The following LRP6 variants were observed in gnomAD, a reference collection of about 807,000 sequenced individuals.
LRP6 encodes the protein low-density lipoprotein receptor-related protein 6.
LRP6 carries 43 observed loss-of-function variants against 184.1 expected under a neutral mutation model. The observed-to-expected ratio is 0.23, with a 90% CI of 0.18 to 0.30. LRP6 has a LOEUF of 0.30. Among genes scored for constraint, LRP6 ranks in the 10% least tolerant of loss-of-function variants. LRP6 has a pLI of 1.00. For synonymous variants in LRP6, 719 were observed against 684.9 expected (o/e 1.05, Z -0.78); for missense variants, 1,571 against 2,005.3 (o/e 0.78, Z 4.14).
chr12:12,164,635 A>G, intron 8 of LRP6, 73 bp from the exon 9 acceptor site: 2 of 1,461,564 alleles, frequency 1.4e-6, no homozygotes. Context: ...TCACTTTTAA[A>G]TTACTTAAGC....
intron 1 of LRP6, among the ~76,000 whole-genome samples, chr12:12,247,996 A>C (rs923160019): frequency 6.6e-6 from 1 of 152,148 alleles, no homozygotes; most frequent in African/African-American, 2.4e-5. Context: ...CTTTATCCTC[A>C]GATCATCTCA....
At chr12:12,250,226 ACTT>A (rs1394364338) in intron 1 of LRP6, among the ~76,000 whole-genome samples, 1 of 152,156 alleles carries the variant, frequency 6.6e-6, no homozygotes, top group Non-Finnish European at 1.5e-5. Context: ...TTCCACCATG[ACTT>A]CTACCTAGGA....
chr12:12,123,159 G>A (rs1052938835), intron 22 of LRP6, among the ~76,000 whole-genome samples: 2 of 152,142 alleles, frequency 1.3e-5, no homozygotes, highest in African/African-American at 4.8e-5. Flanking sequence ...GGGCTTATAC[G>A]GAAAATAGTT....
chr12:12,187,179 G>C (rs966216501), intron 3 of LRP6, 60 bp from the exon 4 acceptor site: 8 of 1,360,752 alleles, frequency 5.9e-6, no homozygotes, highest in Non-Finnish European at 8.3e-6. Flanking sequence ...CTATCATAAC[G>C]TCACCTCTCC....
At chr12:12,190,629 T>C (rs1253667813) in intron 3 of LRP6, among the ~76,000 whole-genome samples, 1 of 152,188 alleles carries the variant, frequency 6.6e-6, no homozygotes, top group Non-Finnish European at 1.5e-5. Context: ...ATAAAACACC[T>C]GCATGCCCTC....
chr12:12,167,468 C>T (rs1210862510), intron 7 of LRP6, among the ~76,000 whole-genome samples: 2 of 152,130 alleles, frequency 1.3e-5, no homozygotes, highest in Non-Finnish European at 2.9e-5. Context: ...ATGGTGAAAC[C>T]CCGTCTCTAC....
chr12:12,159,972 C>A lies in LRP6; in HGVS notation c.2280-8G>T. ...TCAGTCCAATACATAAATCTAAATT[C>A]AAAATAATAAATATTTAACATTTCA... On this transcript the variant is annotated splice_polypyrimidine_tract_variant and splice_region_variant and intron_variant, in intron 10 of 22. Transcript: ENST00000261349. The A allele has an allele frequency of 6.3e-7, 1 of 1,585,534 alleles. No individual in the cohort carries two copies. The highest frequency in any genetic ancestry group is 2.2e-5 in the East Asian group (1 of 44,472).
At chr12:12,199,994 A>C (rs912650940) in intron 3 of LRP6, among the ~76,000 whole-genome samples, 14 of 124,120 alleles carry the variant, frequency 1.1e-4, no homozygotes, top group Non-Finnish European at 1.8e-4. Flanking sequence ...AAAAAAAAAA[A>C]ACACAAGGCT....
Position 12,138,528 on chromosome 12 carries a change from T to C in LRP6, c.3404A>G (p.Asn1135Ser). 1 of 1,613,706 alleles carries C rather than the reference T, an allele frequency of 6.2e-7. No homozygotes were observed. The highest frequency in any genetic ancestry group is 8.5e-7 in the Non-Finnish European group (1 of 1,179,678). Reference sequence around the variant, plus strand: ...ATTGGAGTCTTCTAATACTATCCGGTTAGCACCTTGGAAAAGGAGAAAATT... The same window carrying C: ...ATTGGAGTCTTCTAATACTATCCGGCTAGCACCTTGGAAAAGGAGAAAATT... ...RIESSDLSGA[N>S]RIVLEDSNIL... is the part of the protein sequence containing the mutation. Residue 1135 changes from asparagine (N) to serine (S), a missense_variant, in exon 16 of 23, where the codon AAC becomes AGC. Around this residue, in one of 4 missense-constraint regions of LRP6, gnomAD observed 763 missense variants for 859.5 expected, o/e 0.89. Coordinates refer to ENST00000261349, the MANE Select transcript of LRP6 (RefSeq NM_002336.3).
chr12:12,240,831 C>T (rs1865045761), intron 2 of LRP6, among the ~76,000 whole-genome samples: 1 of 152,112 alleles, frequency 6.6e-6, no homozygotes, highest in Non-Finnish European at 1.5e-5. Context: ...GGGGCTCCAG[C>T]ATTAGGAGCA....
At chr12:12,166,271 T>C (rs1368131869) in intron 7 of LRP6, among the ~76,000 whole-genome samples, 1 of 152,154 alleles carries the variant, frequency 6.6e-6, no homozygotes, top group Non-Finnish European at 1.5e-5. Flanking sequence ...GCTGCATCTT[T>C]CAGAACAGAA....
chr12:12,256,991 A>C (rs976867845), intron 1 of LRP6, among the ~76,000 whole-genome samples: 1 of 152,002 alleles, frequency 6.6e-6, no homozygotes, highest in African/African-American at 2.4e-5. Flanking sequence ...TGAAAATGCT[A>C]AGTGATAGAA....
chr12:12,185,893 G>A (rs1472825325), intron 4 of LRP6, among the ~76,000 whole-genome samples: 2 of 148,454 alleles, frequency 1.3e-5, no homozygotes, highest in Non-Finnish European at 3.0e-5. Context: ...TGCCCAGGCT[G>A]AAAGTGCAAT....
chr12:12,199,551 C>A (rs1008591022), intron 3 of LRP6, among the ~76,000 whole-genome samples: 2 of 152,124 alleles, frequency 1.3e-5, no homozygotes, highest in African/African-American at 2.4e-5. Flanking sequence ...TGAGTGAGAG[C>A]GTCTCTCAGA....
At chr12:12,178,653 CA>C (rs1410189812) in intron 7 of LRP6, among the ~76,000 whole-genome samples, 1 of 152,174 alleles carries the variant, frequency 6.6e-6, no homozygotes, top group African/African-American at 2.4e-5. Context: ...ATCAGCAATG[CA>C]CTCCAACTGT....
In LRP6 at chr12:12,266,802, G is replaced by T. The variant is rs946340039; in HGVS notation, c.-67C>A. 1 of 1,363,090 alleles carries T rather than the reference G, an allele frequency of 7.3e-7. No homozygotes were observed. Among genetic ancestry groups the T allele is most frequent in the Admixed American group, 1.8e-5 (1 of 54,474 alleles). The allele number at this position is 1,363,090 out of a possible 1,614,324, so 84.4% of individuals were successfully genotyped here. ...CCAGAAGTGGGGGAGGCGAGGAGCC[G>T]GGGCGGCCGCCGCAGCGGCAGGGCT... On this transcript the variant is annotated 5_prime_UTR_variant, in exon 1 of 23. Transcript: ENST00000261349.
intron 1 of LRP6, among the ~76,000 whole-genome samples, chr12:12,250,063 C>T (rs150686229): frequency 4.1e-3 from 632 of 152,318 alleles, no homozygotes; most frequent in Middle Eastern, 0.01. Context: ...CTACTCTAGA[C>T]CTTCATGACT....
intron 1 of LRP6, among the ~76,000 whole-genome samples, chr12:12,248,309 T>C (rs748827789): frequency 2.0e-5 from 3 of 152,152 alleles, no homozygotes; most frequent in Non-Finnish European, 4.4e-5. Context: ...ATAATAATTA[T>C]ATTTCTACTA....
At chr12:12,243,453 G>C (rs1865112321) in intron 2 of LRP6, among the ~76,000 whole-genome samples, 1 of 152,124 alleles carries the variant, frequency 6.6e-6, no homozygotes, top group South Asian at 2.1e-4. Flanking sequence ...AAAGGTATAA[G>C]ATCTAGATTA....
Sources: allele counts gnomAD v4.1 joint callset (sites outside exome capture counted in the v4.1 genomes callset), GRCh38; gene constraint gnomAD v4.1.1; regional missense constraint gnomAD v4.1.1; transcripts MANE v1.5; gene names NCBI Gene and HGNC (gene_info 2026-07-23, HGNC 2026-07-21).